Variants in PPP2R5C observed in about 807,000 individuals in gnomAD.
The protein encoded by PPP2R5C is protein phosphatase 2 regulatory subunit B'gamma.
In PPP2R5C, 7 loss-of-function variants were observed where a neutral mutation model predicts 68.9. The ratio of observed to expected loss-of-function variants is 0.10; its 90% CI spans 0.06 to 0.19. The LOEUF (loss-of-function observed/expected upper bound fraction) is 0.19, where lower values mean the gene tolerates loss of function less well. PPP2R5C is among the 10% of genes least tolerant of loss of function. The probability of loss-of-function intolerance (pLI) is 1.00; values close to 1 mark genes in which losing one functional copy is unlikely to be tolerated. For synonymous variants in PPP2R5C, 210 were observed against 222.2 expected, an observed-to-expected ratio of 0.95 and a Z score of 0.49; for missense variants, 348 against 641.3, an observed-to-expected ratio of 0.54 and a Z score of 4.94.
chr14:101,777,090 A>G (rs752992040), intron 2 of PPP2R5C, among the ~76,000 whole-genome samples: 1 of 151,970 alleles, frequency 6.6e-6, no homozygotes, highest in Admixed American at 6.5e-5. Context: ...CATGTTGGCC[A>G]GGATGGTCTC....
chr14:101,806,204 C>A (rs2039068273), upstream of PPP2R5C, among the ~76,000 whole-genome samples: 1 of 152,106 alleles, frequency 6.6e-6, no homozygotes, highest in Non-Finnish European at 1.5e-5. Context: ...AACCCGTCAT[C>A]TAGGTTTTAA....
chr14:101,896,863 A>G (rs781173719), intron 8 of PPP2R5C, among the ~76,000 whole-genome samples: 2 of 152,204 alleles, frequency 1.3e-5, no homozygotes, highest in Non-Finnish European at 2.9e-5. Context: ...TCTTTTGTGA[A>G]GTTGTAATTT....
intron 2 of PPP2R5C, among the ~76,000 whole-genome samples, chr14:101,780,716 G>A (rs1160960908): frequency 2.6e-5 from 4 of 152,304 alleles, no homozygotes; most frequent in Admixed American, 6.5e-5. Flanking sequence ...TGGACTTTCC[G>A]GCATTAAAAA....
At chr14:101,793,702 C>T (rs536218757) in intron 3 of PPP2R5C, among the ~76,000 whole-genome samples, 1 of 152,324 alleles carries the variant, frequency 6.6e-6, no homozygotes, top group East Asian at 1.9e-4. Context: ...AGTGGGACAA[C>T]CTTTTACACC....
At chr14:101,910,572 C>G (rs1420491570) in intron 11 of PPP2R5C, among the ~76,000 whole-genome samples, 2 of 152,212 alleles carry the variant, frequency 1.3e-5, no homozygotes, top group African/African-American at 2.4e-5. Flanking sequence ...GTGGCTCACG[C>G]CTGTAATCCC....
At chr14:101,905,817 A>C (rs1595523792) in intron 9 of PPP2R5C, among the ~76,000 whole-genome samples, 1 of 150,998 alleles carries the variant, frequency 6.6e-6, no homozygotes, top group Non-Finnish European at 1.5e-5. Flanking sequence ...ACAACTCAGG[A>C]CCTCTCCTCC....
At position 101,882,317 on chromosome 14, in the gene PPP2R5C, G is replaced by A. The variant is rs745480830; in HGVS notation, c.405+46G>A. 1 of 1,468,546 alleles carries A rather than the reference G, an allele frequency of 6.8e-7. No homozygotes were observed. Among genetic ancestry groups the A allele is most frequent in the Non-Finnish European group, 9.4e-7 (1 of 1,066,592 alleles). 91.0% of individuals were successfully genotyped at this position (1,468,546 alleles called of 1,614,324 possible). ...GACTCGGAGGGCACTGGTGACACATGGGAATGGCCTGGGATCCACAGAGCG... is the reference window on the plus strand; with the variant it reads ...GACTCGGAGGGCACTGGTGACACATAGGAATGGCCTGGGATCCACAGAGCG... On this transcript the variant is annotated intron_variant, in intron 3 of 13. Transcript: ENST00000334743. The surrounding 1 kb of genome is among the most constrained non-coding windows in gnomAD (Gnocchi z 4.9).
At chr14:101,920,742 C>T (rs2046955159) in intron 13 of PPP2R5C, among the ~76,000 whole-genome samples, 1 of 152,182 alleles carries the variant, frequency 6.6e-6, no homozygotes, top group South Asian at 2.1e-4. Flanking sequence ...ACTAATAATA[C>T]TATGCAATTC....
chr14:101,862,710 TAAAGA>T (rs1238567217), intron 2 of PPP2R5C, among the ~76,000 whole-genome samples: 2 of 152,168 alleles, frequency 1.3e-5, no homozygotes, highest in African/African-American at 4.8e-5. Flanking sequence ...AAACAGACAT[TAAAGA>T]AATTTACAGA....
At chr14:101,836,850 CAAT>C (rs1256464345) in intron 1 of PPP2R5C, 1 of 161,962 alleles carries the variant, frequency 6.2e-6, no homozygotes, top group Non-Finnish European at 1.4e-5. Flanking sequence ...GAAGACAAAA[CAAT>C]AATGAAACAG....
rs1475976230 is a variant in PPP2R5C, at chr14:101,809,987, G to A, written c.45G>A (p.Ala15=). The change falls in exon 1 of 14, where the codon GCG becomes GCA. Residue 15 remains alanine, a synonymous_variant. Transcript: ENST00000334743. ...CGGGCAGCAGGATGGTGGTGGATGC[G>A]GCCAACTCCAATGGGCCTTTCCAGC... The A allele has an allele frequency of 3.1e-6, 5 of 1,613,828 alleles. No individual in the cohort carries two copies. In the African/African-American group the frequency reaches 4.0e-5, roughly 13 times the overall value.
intron 3 of PPP2R5C, among the ~76,000 whole-genome samples, chr14:101,790,709 G>A (rs1307075576): frequency 1.3e-5 from 2 of 152,260 alleles, no homozygotes; most frequent in Non-Finnish European, 2.9e-5. Flanking sequence ...GTCTGTGCGA[G>A]CAGATATTTC....
intron 3 of PPP2R5C, among the ~76,000 whole-genome samples, chr14:101,800,429 G>A (rs2038810363): frequency 6.6e-6 from 1 of 152,016 alleles, no homozygotes; most frequent in Non-Finnish European, 1.5e-5. Flanking sequence ...CAGGCGTGAT[G>A]GTGCATGCCT....
At position 101,882,683 on chromosome 14, in the gene PPP2R5C, G is replaced by T; in HGVS notation, c.405+412G>T. The T allele has an allele frequency of 6.1e-6, 1 of 164,592 alleles. No individual in the cohort carries two copies. The highest frequency in any genetic ancestry group is 1.8e-4 in the East Asian group (1 of 5,558). 10.2% of individuals were successfully genotyped at this position (164,592 alleles called of 1,614,324 possible). ...GCAGAAGGTTGGTTGGCAAGGAGGC[G>T]CCAGGGTCGGCATGAGCAGAGCGGG... is the stretch of plus-strand genomic sequence containing the variant. On this transcript the variant is annotated intron_variant, in intron 3 of 13. Coordinates refer to ENST00000334743, the Ensembl canonical transcript of PPP2R5C. The surrounding 1 kb of genome is among the most constrained non-coding windows in gnomAD (Gnocchi z 4.9).
At chr14:101,800,383 G>GA (rs1304811257) in intron 3 of PPP2R5C, among the ~76,000 whole-genome samples, 1 of 151,978 alleles carries the variant, frequency 6.6e-6, no homozygotes, top group Non-Finnish European at 1.5e-5. Flanking sequence ...GCAACAAGGC[G>GA]AAACCCCGTG....
At chr14:101,887,304 C>G (rs1469272535) in intron 5 of PPP2R5C, among the ~76,000 whole-genome samples, 1 of 152,186 alleles carries the variant, frequency 6.6e-6, no homozygotes, top group South Asian at 2.1e-4. Context: ...ATGCTCTATC[C>G]TCACCCTGGC....
intron 2 of PPP2R5C, among the ~76,000 whole-genome samples, chr14:101,863,204 G>A (rs908269430): frequency 6.6e-6 from 1 of 151,810 alleles, no homozygotes; most frequent in Non-Finnish European, 1.5e-5. Flanking sequence ...GCTACTTGGG[G>A]GTCTGAGGCA....
rs986967113 is a variant in PPP2R5C at position 101,825,313 on chromosome 14, T to C, written c.94+15277T>C. Among the ~76,000 whole-genome samples the C allele has an allele frequency of 2.6e-5, 4 of 151,948 alleles. No individual in the cohort carries two copies. Among genetic ancestry groups the C allele is most frequent in the Admixed American group, 2.0e-4 (3 of 15,242 alleles). The stretch of plus-strand genomic sequence containing the variant: ...CATAGCATTAAAAGTGGGAGACATA[T>C]ACTGATAATGGAATCCGGGCATTGC... On this transcript the variant is annotated intron_variant, in intron 1 of 13. Transcript: ENST00000334743. The surrounding 1 kb of genome is among the most constrained non-coding windows in gnomAD (Gnocchi z 4.0).
intron 1 of PPP2R5C, among the ~76,000 whole-genome samples, chr14:101,830,423 G>A (rs751152358): frequency 2.0e-5 from 3 of 152,308 alleles, no homozygotes; most frequent in Non-Finnish European, 2.9e-5. Context: ...GTTGTGACCC[G>A]ATTCAGTCCT....
Sources: gnomAD v4.1 joint callset for allele counts (sites outside exome capture counted in the v4.1 genomes callset) on GRCh38, gnomAD v4.1.1 for gene constraint, Gnocchi (gnomAD v3.1) non-coding constraint, MANE v1.5 for transcripts, NCBI Gene and HGNC (gene_info 2026-07-23, HGNC 2026-07-21) for gene names.